The following FILIP1L variants were observed in gnomAD, a reference collection of about 807,000 sequenced individuals.
FILIP1L encodes filamin A interacting protein 1 like, also known as filamin A-interacting protein 1-like.
In FILIP1L, 55 loss-of-function variants were observed where a neutral mutation model predicts 96.6. That is an observed-to-expected ratio of 0.57 (90% CI 0.46 to 0.71). The LOEUF is 0.71. Ranked by LOEUF, FILIP1L falls within the 30% of genes least tolerant of loss-of-function variation. The pLI is 0.00. For synonymous variants in FILIP1L, 467 were observed against 473.9 expected (o/e 0.99, Z 0.19); for missense variants, 1,304 against 1,321.2 (o/e 0.99, Z 0.20).
intron 1 of FILIP1L, among the ~76,000 whole-genome samples, chr3:99,944,424 G>T (rs141139290): frequency 6.6e-6 from 1 of 152,190 alleles, no homozygotes; most frequent in Non-Finnish European, 1.5e-5. Context: ...AGGCTGTCAC[G>T]TCTGTCTCTC....
At chr3:100,038,797 C>T (rs1313999564) in intron 1 of FILIP1L, among the ~76,000 whole-genome samples, 1 of 152,146 alleles carries the variant, frequency 6.6e-6, no homozygotes, top group Non-Finnish European at 1.5e-5. Context: ...CCACGGTGCC[C>T]AGCTGCTCCT....
rs577663561 is a variant in FILIP1L, at chr3:99,955,509, G to T, written c.-10-24479C>A. Among the ~76,000 whole-genome samples the T allele has an allele frequency of 2.6e-5, 4 of 152,264 alleles. No homozygotes were observed. The East Asian group carries it at 7.7e-4, about 29-fold the overall frequency. On this transcript the variant is annotated intron_variant, in intron 1 of 5. Coordinates refer to ENST00000477258, the MANE Select transcript of FILIP1L (RefSeq NM_001387850.1). ...AATTTAGTGGCCCAAGTTGAATCAG[G>T]AAGCCAGTTCCTCAGAACAGTTCCC...
intron 1 of FILIP1L, among the ~76,000 whole-genome samples, chr3:100,032,943 A>C (rs2065044294): frequency 6.6e-6 from 1 of 152,136 alleles, no homozygotes; most frequent in South Asian, 2.1e-4. Context: ...GTTGAAAATG[A>C]TGCTGAAGTT....
At chr3:100,074,675 A>ATTTTTTTTTTTTTT (rs555819875) in intron 1 of FILIP1L, among the ~76,000 whole-genome samples, 1,044 of 34,786 alleles carry the variant, frequency 0.03, 406 homozygotes, top group East Asian at 0.037. Context: ...GCAACATTTG[A>ATTTTTTTTTTTTTT]TTTTTTTTTT....
At chr3:99,867,706 C>G (rs958414007) in intron 4 of FILIP1L, among the ~76,000 whole-genome samples, 1 of 152,134 alleles carries the variant, frequency 6.6e-6, no homozygotes, top group Non-Finnish European at 1.5e-5. Context: ...AATAAATACT[C>G]CCAACAATCT....
At chr3:99,925,476 A>G (rs894880994) in intron 3 of FILIP1L, among the ~76,000 whole-genome samples, 1 of 152,228 alleles carries the variant, frequency 6.6e-6, no homozygotes, top group Non-Finnish European at 1.5e-5. Flanking sequence ...GACTGGAAAC[A>G]AAACAAGCAA....
At chr3:100,041,596 T>A (rs901790195) in intron 1 of FILIP1L, among the ~76,000 whole-genome samples, 1 of 150,596 alleles carries the variant, frequency 6.6e-6, no homozygotes, top group Non-Finnish European at 1.5e-5. Flanking sequence ...ACAAAAAAAA[T>A]AAAAATAAAA....
At chr3:99,840,714 T>C (rs566367215) in intron 5 of FILIP1L, among the ~76,000 whole-genome samples, 6 of 152,354 alleles carry the variant, frequency 3.9e-5, no homozygotes, top group African/African-American at 1.2e-4. Context: ...TCAGAAGTCA[T>C]TGGAAGTTAG....
intron 1 of FILIP1L, among the ~76,000 whole-genome samples, chr3:100,049,879 C>T (rs1167589522): frequency 6.6e-6 from 1 of 152,042 alleles, no homozygotes; most frequent in African/African-American, 2.4e-5. Context: ...GGCTTCTGGT[C>T]AACAGTAAGC....
intron 1 of FILIP1L, among the ~76,000 whole-genome samples, chr3:99,938,112 G>A (rs1339164054): frequency 1.3e-5 from 2 of 152,288 alleles, no homozygotes; most frequent in East Asian, 1.9e-4. Context: ...CTCGTGCTGG[G>A]TGGGGAAGAA....
chr3:99,949,549 A>G (rs1372168269), intron 1 of FILIP1L, among the ~76,000 whole-genome samples: 1 of 152,200 alleles, frequency 6.6e-6, no homozygotes, highest in African/African-American at 2.4e-5. Context: ...AAGGAAAAAC[A>G]AACAATTCTA....
At chr3:100,031,521 G>A (rs975210747) in intron 1 of FILIP1L, among the ~76,000 whole-genome samples, 3 of 152,064 alleles carry the variant, frequency 2.0e-5, no homozygotes, top group Non-Finnish European at 4.4e-5. Context: ...CAAGGAAGAA[G>A]CCACGTTACA....
chr3:99,976,818 T>A (rs1018495956), intron 1 of FILIP1L, among the ~76,000 whole-genome samples: 11 of 152,212 alleles, frequency 7.2e-5, no homozygotes, highest in African/African-American at 2.4e-4. Flanking sequence ...TGTTTGACCA[T>A]TATCTCTTCA....
chr3:100,007,143 A>C (rs560602436), intron 1 of FILIP1L, among the ~76,000 whole-genome samples: 44 of 152,292 alleles, frequency 2.9e-4, no homozygotes, highest in African/African-American at 1.0e-3. Flanking sequence ...TAAATGTTTG[A>C]AATGGGAAGA....
chr3:99,901,432 T>G (rs1306151979), intron 4 of FILIP1L, among the ~76,000 whole-genome samples: 1 of 152,208 alleles, frequency 6.6e-6, no homozygotes, highest in African/African-American at 2.4e-5. Context: ...TGCACTTTTG[T>G]AATTTTCCTG....
intron 1 of FILIP1L, among the ~76,000 whole-genome samples, chr3:99,990,359 G>A (rs1044337094): frequency 2.6e-5 from 4 of 152,084 alleles, no homozygotes; most frequent in Non-Finnish European, 4.4e-5. Flanking sequence ...ATATTGATCC[G>A]TTCAATCTCT....
At chr3:99,982,537 TCTCA>T (rs747358875) in intron 1 of FILIP1L, among the ~76,000 whole-genome samples, 26 of 152,062 alleles carry the variant, frequency 1.7e-4, no homozygotes, top group Non-Finnish European at 3.1e-4. Context: ...AATAAGAGTC[TCTCA>T]CTCTGTTGCC....
At chr3:100,075,402 T>C (rs2065834510) in intron 1 of FILIP1L, among the ~76,000 whole-genome samples, 1 of 152,174 alleles carries the variant, frequency 6.6e-6, no homozygotes, top group Non-Finnish European at 1.5e-5. Flanking sequence ...CGAGCAGAGA[T>C]TCCACTTTTA....
chr3:99,831,913 T>C (rs1372892044), intron 5 of FILIP1L, among the ~76,000 whole-genome samples: 1 of 152,236 alleles, frequency 6.6e-6, no homozygotes, highest in Non-Finnish European at 1.5e-5. Context: ...CACCTGGAAC[T>C]CTAGCCTACC....
Sources: allele counts gnomAD v4.1 joint callset (sites outside exome capture counted in the v4.1 genomes callset), GRCh38; gene constraint gnomAD v4.1.1; transcripts MANE v1.5; gene names NCBI Gene and HGNC (gene_info 2026-07-23, HGNC 2026-07-21).